The following FSTL4 variants were observed in gnomAD, a reference collection of about 807,000 sequenced individuals.
The protein encoded by FSTL4 is follistatin like 4.
In FSTL4, 28 loss-of-function variants were observed where a neutral mutation model predicts 78.2. The observed-to-expected ratio is 0.36, with a 90% CI of 0.27 to 0.49. FSTL4 has a LOEUF of 0.49. Ranked by LOEUF, FSTL4 falls within the 20% of genes least tolerant of loss-of-function variation. FSTL4 has a pLI of 0.98. For missense variants in FSTL4, 922 were observed against 1,084.9 expected, an observed-to-expected ratio of 0.85 and a Z score of 2.11; for synonymous variants, 422 against 440.5, an observed-to-expected ratio of 0.96 and a Z score of 0.53.
chr5:133,568,792 G>A (rs1403690059), intron 2 of FSTL4, among the ~76,000 whole-genome samples: 1 of 152,150 alleles, frequency 6.6e-6, no homozygotes, highest in African/African-American at 2.4e-5. Context: ...AGTATTCATG[G>A]AACAGGAGAT....
At chr5:133,423,244 G>A (rs937397353) in intron 3 of FSTL4, among the ~76,000 whole-genome samples, 12 of 152,216 alleles carry the variant, frequency 7.9e-5, no homozygotes, top group Admixed American at 2.0e-4. Context: ...TGGATGAGGC[G>A]CAGTCCTGAA....
At chr5:133,443,366 C>T (rs1437653295) in intron 3 of FSTL4, among the ~76,000 whole-genome samples, 1 of 152,242 alleles carries the variant, frequency 6.6e-6, no homozygotes, top group Non-Finnish European at 1.5e-5. Context: ...ATGTTCTAAA[C>T]ATCCAAGCTT....
the FSTL4 span, among the ~76,000 whole-genome samples, chr5:133,626,975 G>A: frequency 2.6e-5 from 4 of 152,046 alleles, no homozygotes; most frequent in Admixed American, 6.6e-5. Flanking sequence ...GTTGTTGAGA[G>A]AGCAGGTATT....
chr5:133,642,503 C>T, the FSTL4 span, among the ~76,000 whole-genome samples: 2 of 152,228 alleles, frequency 1.3e-5, no homozygotes, highest in South Asian at 4.1e-4. Context: ...CCTGCAAAGA[C>T]ATCCATGATA....
intron 6 of FSTL4, among the ~76,000 whole-genome samples, chr5:133,252,911 A>G (rs1752295301): frequency 6.6e-6 from 1 of 152,170 alleles, no homozygotes; most frequent in Non-Finnish European, 1.5e-5. Flanking sequence ...ATTCCCAGCC[A>G]TTTGCATGTA....
the FSTL4 span, among the ~76,000 whole-genome samples, chr5:133,624,268 CA>C: frequency 6.6e-6 from 1 of 151,776 alleles, no homozygotes; most frequent in African/African-American, 2.4e-5. Context: ...TATTTAGCCA[CA>C]AAAGGAACAA....
At chr5:133,494,257 G>A (rs1385627901) in intron 3 of FSTL4, among the ~76,000 whole-genome samples, 1 of 151,906 alleles carries the variant, frequency 6.6e-6, no homozygotes, top group East Asian at 1.9e-4. Flanking sequence ...AATCTGGGAT[G>A]ATAGAGGACT....
At position 133,611,175 on chromosome 5, in the gene FSTL4, A is replaced by G. The variant is rs1334340869; in HGVS notation, c.-11+1150T>C. Among the ~76,000 whole-genome samples the G allele has an allele frequency of 6.6e-6, 1 of 151,816 alleles. No individual in the cohort carries two copies. The highest frequency in any genetic ancestry group is 2.4e-5 in the African/African-American group (1 of 41,336). ...CGGCCGCGAGCGAGGGCTGCTGGAC[A>G]GCGCCCCGGCACCCGCTCTCGAGCC... On this transcript the variant is annotated intron_variant, in intron 1 of 15. Transcript: ENST00000265342. This position sits in a 1 kb window ranked among gnomAD's most constrained non-coding sequence, Gnocchi z 4.9.
At position 133,440,560 on chromosome 5, in the gene FSTL4, C is replaced by T. The variant is rs1757135051; in HGVS notation, c.161-39574G>A. 6.6e-6 allele frequency among the ~76,000 whole-genome samples: 1 copy of T among 152,210 alleles called. No individual in the cohort carries two copies. Among genetic ancestry groups the T allele is most frequent in the African/African-American group, 2.4e-5 (1 of 41,448 alleles). On this transcript the variant is annotated intron_variant, in intron 3 of 15. Transcript: ENST00000265342. The surrounding 1 kb of genome is among the most constrained non-coding windows in gnomAD (Gnocchi z 4.1). Reference sequence around the variant, plus strand: ...GTCGGTACTGGACTTAGCTTATCGCCTCCCCAGGATGGATGTGCCAAGGAG... The same window carrying T: ...GTCGGTACTGGACTTAGCTTATCGCTTCCCCAGGATGGATGTGCCAAGGAG...
At chr5:133,778,307 C>CT in the FSTL4 span, among the ~76,000 whole-genome samples, 2 of 152,036 alleles carry the variant, frequency 1.3e-5, no homozygotes, top group African/African-American at 4.8e-5. Flanking sequence ...TACCATCATT[C>CT]TTTTTGCCTC....
At chr5:133,708,978 G>A in the FSTL4 span, among the ~76,000 whole-genome samples, 7 of 152,204 alleles carry the variant, frequency 4.6e-5, no homozygotes, top group Non-Finnish European at 7.3e-5. Context: ...CTGGCACATA[G>A]TAGGCATTCA....
intron 6 of FSTL4, among the ~76,000 whole-genome samples, chr5:133,296,733 C>G (rs1345797500): frequency 6.6e-6 from 1 of 152,208 alleles, no homozygotes; most frequent in Non-Finnish European, 1.5e-5. Flanking sequence ...AAAAGTACTA[C>G]CCACGTTGTA....
At chr5:133,654,225 C>T in the FSTL4 span, among the ~76,000 whole-genome samples, 3 of 152,214 alleles carry the variant, frequency 2.0e-5, no homozygotes, top group African/African-American at 4.8e-5. Context: ...TCATAATCAT[C>T]GCAGCCACCA....
intron 2 of FSTL4, among the ~76,000 whole-genome samples, chr5:133,581,396 G>T (rs898629970): frequency 2.0e-5 from 3 of 152,192 alleles, no homozygotes; most frequent in Middle Eastern, 3.2e-3. Flanking sequence ...AGATTGAAAG[G>T]TGCTACCTAT....
chr5:133,284,434 G>T (rs1753081618), intron 6 of FSTL4, among the ~76,000 whole-genome samples: 1 of 152,246 alleles, frequency 6.6e-6, no homozygotes, highest in Non-Finnish European at 1.5e-5. Flanking sequence ...GCAGAAGTGG[G>T]ACTGGAGGGA....
chr5:133,819,527 A>G, the FSTL4 span, among the ~76,000 whole-genome samples: 1 of 152,108 alleles, frequency 6.6e-6, no homozygotes, highest in Non-Finnish European at 1.5e-5. Flanking sequence ...GGTGCACTGA[A>G]CTGTAGGCTA....
intron 4 of FSTL4, among the ~76,000 whole-genome samples, chr5:133,376,571 C>T (rs1561691928): frequency 6.6e-6 from 1 of 152,054 alleles, no homozygotes; most frequent in Non-Finnish European, 1.5e-5. Flanking sequence ...CCAAACCCAA[C>T]CGGTTAAAGT....
chr5:133,748,846 AAGAG>A, the FSTL4 span, among the ~76,000 whole-genome samples: 2 of 150,994 alleles, frequency 1.3e-5, no homozygotes, highest in African/African-American at 5.0e-5. Context: ...AGAAGGCAGA[AAGAG>A]AGAGAGAGCG....
chr5:133,494,027 AC>A (rs372190833), intron 3 of FSTL4, among the ~76,000 whole-genome samples: 292 of 152,328 alleles, frequency 1.9e-3, no homozygotes, highest in Middle Eastern at 0.01. Context: ...ATGTGTAAAA[AC>A]AATAGCATAT....
Sources: allele counts gnomAD v4.1 joint callset (sites outside exome capture counted in the v4.1 genomes callset), GRCh38; gene constraint gnomAD v4.1.1; non-coding constraint Gnocchi (gnomAD v3.1); transcripts MANE v1.5; gene names NCBI Gene and HGNC (gene_info 2026-07-23, HGNC 2026-07-21).